Variants in DZIP3 observed in about 807,000 individuals in gnomAD.
DZIP3 encodes E3 ubiquitin-protein ligase DZIP3.
Under a neutral mutation model 162.0 loss-of-function variants are expected in DZIP3, and 118 were observed. The ratio of observed to expected loss-of-function variants is 0.73; its 90% CI spans 0.63 to 0.85. The LOEUF (loss-of-function observed/expected upper bound fraction) is 0.85. Among genes scored for constraint, DZIP3 ranks in the 40% least tolerant of loss-of-function variants. DZIP3 has a pLI of 0.00. For missense variants in DZIP3, 1,331 were observed against 1,407.0 expected, an observed-to-expected ratio of 0.95 and a Z score of 0.86; for synonymous variants, 438 against 458.6, an observed-to-expected ratio of 0.96 and a Z score of 0.57.
intron 22 of DZIP3, among the ~76,000 whole-genome samples, chr3:108,671,154 A>T (rs566446109): frequency 6.6e-6 from 1 of 151,978 alleles, no homozygotes; most frequent in South Asian, 2.1e-4. Flanking sequence ...TCTTTTAGGC[A>T]ACTTTTACAT....
chr3:108,664,182 C>T (rs1380000228), intron 21 of DZIP3, among the ~76,000 whole-genome samples: 1 of 152,148 alleles, frequency 6.6e-6, no homozygotes, highest in Non-Finnish European at 1.5e-5. Context: ...CTGCAGAAGC[C>T]TTCAACCTGG....
chr3:108,677,416 C>A, intron 25 of DZIP3, 81 bp from the exon 26 acceptor site: 6 of 1,124,226 alleles, frequency 5.3e-6, no homozygotes, highest in South Asian at 1.4e-5. Context: ...TTGTATTATT[C>A]AAAACTACAT....
intron 25 of DZIP3, among the ~76,000 whole-genome samples, chr3:108,676,093 C>A (rs1479990601): frequency 6.6e-6 from 1 of 151,778 alleles, no homozygotes; most frequent in East Asian, 1.9e-4. Context: ...AAAATAAACT[C>A]AAAAATTGTG....
intron 1 of DZIP3, 28 bp from the exon 2 acceptor site, chr3:108,605,307 C>A (rs1940277945): frequency 6.7e-7 from 1 of 1,489,770 alleles, no homozygotes; most frequent in African/African-American, 1.4e-5. Context: ...ACTTTCCTAT[C>A]TTCATAAAAA....
chr3:108,625,749 C>T, intron 6 of DZIP3, 96 bp from the exon 7 acceptor site: 2 of 1,228,716 alleles, frequency 1.6e-6, no homozygotes, highest in South Asian at 1.9e-5. Flanking sequence ...ATTTTTAAAG[C>T]TGCCCTAATT....
chr3:108,599,210 A>G (rs1453484072), intron 1 of DZIP3, among the ~76,000 whole-genome samples: 3 of 152,204 alleles, frequency 2.0e-5, no homozygotes, highest in African/African-American at 7.2e-5. Context: ...AAGAGCTAAC[A>G]TAAACAGTGA....
chr3:108,649,408 A>C (rs1942768752), intron 17 of DZIP3, among the ~76,000 whole-genome samples: 1 of 151,864 alleles, frequency 6.6e-6, no homozygotes, highest in Non-Finnish European at 1.5e-5. Flanking sequence ...AAAAGGTACA[A>C]ATACAAACTT....
At chr3:108,628,443 G>A (rs1018492742) in intron 7 of DZIP3, among the ~76,000 whole-genome samples, 2 of 151,856 alleles carry the variant, frequency 1.3e-5, no homozygotes, top group African/African-American at 4.8e-5. Flanking sequence ...CTGTGTTTTG[G>A]GTCTCCTTTG....
chr3:108,669,601 A>G (rs1401698623), intron 21 of DZIP3, 80 bp from the exon 22 acceptor site: 10 of 1,294,840 alleles, frequency 7.7e-6, no homozygotes, highest in Non-Finnish European at 1.1e-5. Context: ...TCTCCTCCAC[A>G]GCTGTAGTTA....
Position 108,634,874 on chromosome 3 carries a change from T to C in DZIP3, c.820T>C (p.Phe274Leu). The change falls in exon 10 of 33, where the codon TTT becomes CTT. Residue 274 changes from phenylalanine (F) to leucine (L), a missense_variant. Physicochemically the swap from Phe to Leu is conservative, Grantham distance 22. This residue lies in a region of DZIP3 where 1,278 missense variants were observed against 1,317.1 expected (regional missense o/e 0.97). Transcript: ENST00000361582. ...DILKNTSYKG[F>L]FQLMCSKSCC... ...ACTTACTTTTATTTTTTTCCAGGGA[T>C]TTTTTCAGTTAATGTGCAGTAAAAG... The C allele has an allele frequency of 1.3e-6, 2 of 1,599,046 alleles. No homozygotes were observed. Among genetic ancestry groups the C allele is most frequent in the Non-Finnish European group, 1.7e-6 (2 of 1,171,798 alleles).
chr3:108,647,269 T>G (rs1337767373), intron 15 of DZIP3, among the ~76,000 whole-genome samples: 1 of 152,228 alleles, frequency 6.6e-6, no homozygotes, highest in Non-Finnish European at 1.5e-5. Context: ...TGTTTATAGC[T>G]ATATACTTTT....
intron 3 of DZIP3, 67 bp downstream of exon 3, chr3:108,608,225 T>A: frequency 1.6e-6 from 2 of 1,258,186 alleles, no homozygotes; most frequent in Non-Finnish European, 2.3e-6. Context: ...GCAAATGCAG[T>A]AATACATCTA....
chr3:108,627,975 T>A lies in DZIP3; in HGVS notation c.582-1087T>A, dbSNP rs551148515. ...CTCACTGCAACCTCCAACTCCCTGG[T>A]TCAAGGGATTCTCCTGCCTCTGCCT... On this transcript the variant is annotated intron_variant, in intron 7 of 32. Transcript: ENST00000361582. Among the ~76,000 whole-genome samples, 7 of 152,114 alleles carry A rather than the reference T, an allele frequency of 4.6e-5. No homozygotes were observed. In the East Asian group the frequency reaches 1.4e-3, roughly 29 times the overall value.
Position 108,669,848 on chromosome 3 carries a change from G to A in DZIP3, c.2492+99G>A, listed in dbSNP as rs1312583025. 9.7e-5 allele frequency: 97 copies of A among 1,002,306 alleles called. 1 individual carries two copies. In the East Asian group the frequency reaches 2.0e-3, roughly 21 times the overall value. The allele number at this position is 1,002,306 out of a possible 1,614,324, so 62.1% of individuals were successfully genotyped here. ...ATTGATGTAATTTATCATTCAAACC[G>A]GGGTACTTTTGAGGCTGATATTGAA... On this transcript the variant is annotated intron_variant, in intron 22 of 32. Transcript: ENST00000361582.
At chr3:108,667,144 G>A (rs1464238906) in intron 21 of DZIP3, among the ~76,000 whole-genome samples, 1 of 151,420 alleles carries the variant, frequency 6.6e-6, no homozygotes, top group African/African-American at 2.4e-5. Flanking sequence ...ACATAGCAAG[G>A]CTCCATTTCA....
At chr3:108,592,617 A>C (rs9864096) in intron 1 of DZIP3, among the ~76,000 whole-genome samples, 2,866 of 151,330 alleles carry the variant, frequency 0.019, 98 homozygotes, top group African/African-American at 0.066. Flanking sequence ...GAACACCTGA[A>C]CCTGGGAAGT....
chr3:108,591,309 G>A (rs964033504), intron 1 of DZIP3, among the ~76,000 whole-genome samples: 1 of 152,246 alleles, frequency 6.6e-6, no homozygotes, highest in Non-Finnish European at 1.5e-5. Context: ...AATGTAAAGT[G>A]TCAGCTGTCA....
chr3:108,692,173 A>G (rs1466120714), intron 32 of DZIP3, among the ~76,000 whole-genome samples: 1 of 152,084 alleles, frequency 6.6e-6, no homozygotes, highest in Non-Finnish European at 1.5e-5. Flanking sequence ...TTATATTATA[A>G]TGTGAATTGA....
chr3:108,626,966 G>A (rs1941616746), intron 7 of DZIP3, among the ~76,000 whole-genome samples: 1 of 152,206 alleles, frequency 6.6e-6, no homozygotes, highest in African/African-American at 2.4e-5. Flanking sequence ...CACCTATGTG[G>A]TAGTTCCCTG....
Sources: allele counts gnomAD v4.1 joint callset (sites outside exome capture counted in the v4.1 genomes callset), GRCh38; gene constraint gnomAD v4.1.1; regional missense constraint gnomAD v4.1.1; transcripts MANE v1.5; gene names NCBI Gene and HGNC (gene_info 2026-07-23, HGNC 2026-07-21).